POT1: variants seen among roughly 807,000 people sequenced by gnomAD.
The protein encoded by POT1 is protection of telomeres 1, also known as protection of telomeres protein 1.
POT1 carries 47 observed loss-of-function variants against 78.5 expected under a neutral mutation model. The ratio of observed to expected loss-of-function variants is 0.60; its 90% CI spans 0.47 to 0.76. The LOEUF is 0.76. POT1 is among the 30% of genes least tolerant of loss of function. The probability of loss-of-function intolerance (pLI) is 0.00; values close to 1 mark genes in which losing one functional copy is unlikely to be tolerated. For synonymous variants in POT1, 259 were observed against 260.7 expected, an observed-to-expected ratio of 0.99 and a Z score of 0.06; for missense variants, 646 against 749.9, an observed-to-expected ratio of 0.86 and a Z score of 1.62.
At chr7:124,859,834 T>G (rs1346999017) in intron 8 of POT1, among the ~76,000 whole-genome samples, 1 of 151,038 alleles carries the variant, frequency 6.6e-6, no homozygotes, top group Non-Finnish European at 1.5e-5. Context: ...TTGAGAGTAT[T>G]GCTCAGAAAA....
Position 124,921,877 on chromosome 7 carries a change from AT to A in POT1, c.-226-6232del, listed in dbSNP as rs201186126. The stretch of plus-strand genomic sequence containing the variant: ...GGTAATAATGTGGCAGGAAAAAAAA[AT>A]ATTTCAAGAAATATTATACAATAAT... On this transcript the variant is annotated intron_variant, in intron 2 of 18. Coordinates refer to ENST00000357628, the MANE Select transcript of POT1 (RefSeq NM_015450.3). Among the ~76,000 whole-genome samples the A allele has an allele frequency of 5.1e-3, 773 of 152,204 alleles. 9 individuals are homozygous for A. The highest frequency in any genetic ancestry group is 0.017 in the African/African-American group (709 of 41,548).
chr7:124,905,286 T>C (rs1321775732), intron 3 of POT1, among the ~76,000 whole-genome samples: 4 of 152,056 alleles, frequency 2.6e-5, no homozygotes, highest in Non-Finnish European at 4.4e-5. Context: ...AACAGAGATA[T>C]AGACCAATGG....
Position 124,824,071 on chromosome 7 carries a change from G to T in POT1, c.1796C>A (p.Ala599Glu). ...MFCPPGIKID[A>E]YPWLECFIKS... The stretch of plus-strand genomic sequence containing the variant: ...GATGAAGCATTCCAACCACGGATAT[G>T]CATCTACAAAAACAAAAACAAAAAA... The change falls in exon 19 of 19, where the codon GCA becomes GAA. Residue 599 changes from alanine (A) to glutamate (E), a missense_variant. Around this residue, in one of 2 missense-constraint regions of POT1, gnomAD observed 394 missense variants for 408.4 expected, o/e 0.96. Coordinates refer to ENST00000357628, the MANE Select transcript of POT1 (RefSeq NM_015450.3). The T allele has an allele frequency of 6.4e-7, 1 of 1,574,338 alleles. No homozygotes were observed. Among genetic ancestry groups the T allele is most frequent in the Non-Finnish European group, 8.7e-7 (1 of 1,154,596 alleles).
At chr7:124,847,252 C>T (rs373394356) in intron 11 of POT1, among the ~76,000 whole-genome samples, 12 of 152,234 alleles carry the variant, frequency 7.9e-5, no homozygotes, top group Admixed American at 2.6e-4. Flanking sequence ...CCCAACACTT[C>T]GGAGGACTGA....
At chr7:124,860,159 AT>A (rs1795552127) in intron 8 of POT1, among the ~76,000 whole-genome samples, 1 of 152,002 alleles carries the variant, frequency 6.6e-6, no homozygotes, top group Non-Finnish European at 1.5e-5. Context: ...AAAATCACTC[AT>A]ATTTCCCAGA....
Position 124,848,850 on chromosome 7 carries a change from C to T in POT1, c.950-1852G>A, listed in dbSNP as rs191228385. Among the ~76,000 whole-genome samples the T allele has an allele frequency of 8.5e-4, 129 of 151,750 alleles. 1 individual carries two copies. Among genetic ancestry groups the T allele is most frequent in the African/African-American group, 2.5e-3 (103 of 41,350 alleles). ...AAATACAGTGTAGAGGAAATAAAAG[C>T]GGAGATGGATAAAATAGTAAACTTA... On this transcript the variant is annotated intron_variant, in intron 11 of 18. Coordinates refer to ENST00000357628, the MANE Select transcript of POT1 (RefSeq NM_015450.3).
rs545701913 is a variant in POT1 at position 124,861,076 on chromosome 7, T to C, written c.547-1964A>G. ...GTGCCACAATAAACATACGTGTGCA[T>C]GTGTCTTTATAGGAGAATGATTTAT... On this transcript the variant is annotated intron_variant, in intron 8 of 18. Coordinates refer to ENST00000357628, the MANE Select transcript of POT1 (RefSeq NM_015450.3). 3.9e-5 allele frequency among the ~76,000 whole-genome samples: 6 copies of C among 152,308 alleles called. No individual in the cohort carries two copies. The South Asian group carries it at 1.2e-3, about 32-fold the overall frequency.
chr7:124,832,716 G>A (rs769744586), intron 15 of POT1, among the ~76,000 whole-genome samples: 1 of 152,018 alleles, frequency 6.6e-6, no homozygotes, highest in Admixed American at 6.6e-5. Context: ...TACTCGGCGG[G>A]GGGGTTGAGA....
rs902962550 is a variant in POT1, at chr7:124,842,723, T to C, written c.1163+84A>G. 30 of 1,150,224 alleles carry C rather than the reference T, an allele frequency of 2.6e-5. No individual in the cohort carries two copies. The Admixed American group carries it at 8.0e-4, about 31-fold the overall frequency. The allele number at this position is 1,150,224 out of a possible 1,614,324, so 71.3% of individuals were successfully genotyped here. A position where few individuals can be genotyped will look rare whatever the true frequency, so the allele number is the denominator to read the frequency against. On this transcript the variant is annotated intron_variant, in intron 13 of 18. Transcript: ENST00000357628. ...AATATATATATTAACAATTTACTTA[T>C]TCCTAAGACACAAAATTATACATAT...
At chr7:124,854,568 C>T (rs1795396659) in intron 9 of POT1, among the ~76,000 whole-genome samples, 1 of 151,752 alleles carries the variant, frequency 6.6e-6, no homozygotes, top group African/African-American at 2.4e-5. Flanking sequence ...AGGAGAAAAC[C>T]CACACTCCCA....
intron 15 of POT1, among the ~76,000 whole-genome samples, chr7:124,834,645 G>A (rs766980127): frequency 2.0e-5 from 3 of 151,618 alleles, no homozygotes; most frequent in Non-Finnish European, 4.4e-5. Flanking sequence ...CACTGTTGGT[G>A]GGAGTGTAAA....
chr7:124,857,499 T>A (rs564324916), intron 9 of POT1, among the ~76,000 whole-genome samples: 1 of 152,166 alleles, frequency 6.6e-6, no homozygotes, highest in East Asian at 1.9e-4. Flanking sequence ...CCACCTGACA[T>A]CCTGTGCCCA....
intron 9 of POT1, among the ~76,000 whole-genome samples, chr7:124,856,043 C>T (rs930021923): frequency 6.6e-6 from 1 of 151,992 alleles, no homozygotes; most frequent in Non-Finnish European, 1.5e-5. Flanking sequence ...AAGGGCAATT[C>T]GGGCTCTAAA....
At position 124,829,279 on chromosome 7, in the gene POT1, C is replaced by T. The variant is rs773176095; in HGVS notation, c.1569G>A (p.Ser523=). Residue 523 remains serine, a synonymous_variant, in exon 16 of 19, where the codon TCG becomes TCA. Coordinates refer to ENST00000357628, the MANE Select transcript of POT1 (RefSeq NM_015450.3). ...CTTCTGCCACAGAAGAAGGAATCCACGATGTTTTATCAACCAGGGAATTTA... is the reference window on the plus strand; with the variant it reads ...CTTCTGCCACAGAAGAAGGAATCCATGATGTTTTATCAACCAGGGAATTTA... ...QNLNSLVDKT[S]WIPSSVAEAL... is the part of the protein sequence containing the mutation. 3.8e-5 allele frequency: 61 copies of T among 1,604,662 alleles called. No individual in the cohort carries two copies. The highest frequency in any genetic ancestry group is 7.7e-5 in the South Asian group (7 of 90,794).
chr7:124,850,005 G>C (rs1795264967), intron 11 of POT1, among the ~76,000 whole-genome samples: 1 of 152,062 alleles, frequency 6.6e-6, no homozygotes, highest in South Asian at 2.1e-4. Context: ...TATAGTGAAA[G>C]CTATTCAACT....
intron 2 of POT1, among the ~76,000 whole-genome samples, chr7:124,925,687 C>T (rs1426381835): frequency 6.6e-6 from 1 of 151,990 alleles, no homozygotes; most frequent in Admixed American, 6.6e-5. Context: ...TGGAGGTACA[C>T]GTTGCCTCAC....
rs563832780 is a variant in POT1 at position 124,924,865 on chromosome 7, A to G, written c.-227+3950T>C. Among the ~76,000 whole-genome samples, 310 of 152,194 alleles carry G rather than the reference A, an allele frequency of 2.0e-3. 1 individual carries two copies. Among genetic ancestry groups the G allele is most frequent in the South Asian group, 9.3e-3 (45 of 4,822 alleles). ...AAACAGAATTAAGGACAAAAACCAG[A>G]TGATCATCCCAACAGATGAAGAAAA... On this transcript the variant is annotated intron_variant, in intron 2 of 18. Coordinates refer to ENST00000357628, the MANE Select transcript of POT1 (RefSeq NM_015450.3).
chr7:124,894,826 ATGGT>A (rs1796455127), intron 5 of POT1, among the ~76,000 whole-genome samples: 1 of 151,582 alleles, frequency 6.6e-6, no homozygotes, highest in East Asian at 1.9e-4. Context: ...TAGTAGGAGA[ATGGT>A]AAGCAAAGGC....
chr7:124,895,002 T>C (rs1445005152), intron 5 of POT1, among the ~76,000 whole-genome samples: 1 of 151,722 alleles, frequency 6.6e-6, no homozygotes. Flanking sequence ...ATAATATTTA[T>C]GACATCCTAA....
Sources: gnomAD v4.1 joint callset for allele counts (sites outside exome capture counted in the v4.1 genomes callset) on GRCh38, gnomAD v4.1.1 for gene constraint, gnomAD v4.1.1 regional missense constraint, MANE v1.5 for transcripts, NCBI Gene and HGNC (gene_info 2026-07-23, HGNC 2026-07-21) for gene names.